PRKCA: variants seen among roughly 807,000 people sequenced by gnomAD.
The protein encoded by PRKCA is protein kinase C alpha, also known as protein kinase C alpha type.
In PRKCA, 27 loss-of-function variants were observed where a neutral mutation model predicts 87.0. The observed-to-expected ratio is 0.31, with a 90% CI of 0.23 to 0.43. The LOEUF (loss-of-function observed/expected upper bound fraction) is 0.43, where lower values mean the gene tolerates loss of function less well. Ranked by LOEUF, PRKCA falls within the 20% of genes least tolerant of loss-of-function variation. The pLI is 1.00. For missense variants in PRKCA, 518 were observed against 852.3 expected (o/e 0.61, Z 4.88); for synonymous variants, 329 against 311.1 (o/e 1.06, Z -0.61).
At chr17:66,744,708 C>T (rs567737998) in intron 13 of PRKCA, among the ~76,000 whole-genome samples, 2 of 152,302 alleles carry the variant, frequency 1.3e-5, no homozygotes, top group South Asian at 4.1e-4. Flanking sequence ...ACCACAAACT[C>T]AGCAGTTTAA....
chr17:66,551,271 C>T (rs1968318720), intron 3 of PRKCA, among the ~76,000 whole-genome samples: 1 of 152,150 alleles, frequency 6.6e-6, no homozygotes, highest in African/African-American at 2.4e-5. Context: ...TGCCATGTTG[C>T]CTTGGCTTCA....
At chr17:66,309,200 C>T (rs1446303143) in intron 2 of PRKCA, among the ~76,000 whole-genome samples, 1 of 152,012 alleles carries the variant, frequency 6.6e-6, no homozygotes, top group Non-Finnish European at 1.5e-5. Context: ...AGCTTTAGAT[C>T]CAAAATATTT....
At chr17:66,688,879 C>T (rs765531846) in intron 7 of PRKCA, 72 bp from the exon 8 acceptor site, 15 of 954,162 alleles carry the variant, frequency 1.6e-5, no homozygotes, top group Non-Finnish European at 2.1e-5. Flanking sequence ...TTCACAAAAC[C>T]GCTCGACTAG....
intron 2 of PRKCA, among the ~76,000 whole-genome samples, chr17:66,490,122 C>G (rs947205569): frequency 2.0e-5 from 3 of 152,082 alleles, no homozygotes; most frequent in African/African-American, 7.2e-5. Flanking sequence ...CAATTATGAA[C>G]ACAAGTAATC....
chr17:66,421,684 C>T (rs1912505238), intron 2 of PRKCA, among the ~76,000 whole-genome samples: 1 of 151,388 alleles, frequency 6.6e-6, no homozygotes, highest in Non-Finnish European at 1.5e-5. Context: ...AGGCACCCGC[C>T]ACCAGGCCTG....
At chr17:66,341,225 C>T (rs1267376262) in intron 2 of PRKCA, among the ~76,000 whole-genome samples, 1 of 152,158 alleles carries the variant, frequency 6.6e-6, no homozygotes, top group African/African-American at 2.4e-5. Flanking sequence ...TGGCAAGCCT[C>T]ACCATTTCTT....
chr17:66,655,580 C>G (rs1296999549), intron 5 of PRKCA, among the ~76,000 whole-genome samples: 1 of 152,198 alleles, frequency 6.6e-6, no homozygotes, highest in African/African-American at 2.4e-5. Context: ...GAGATTTCAC[C>G]TGTGTGTTTA....
chr17:66,333,497 A>G (rs1906475400), intron 2 of PRKCA, among the ~76,000 whole-genome samples: 1 of 152,164 alleles, frequency 6.6e-6, no homozygotes, highest in Non-Finnish European at 1.5e-5. Flanking sequence ...TTGTATGCTC[A>G]CTCAGTTGCC....
chr17:66,543,396 C>T (rs544354754), intron 3 of PRKCA, among the ~76,000 whole-genome samples: 1 of 152,252 alleles, frequency 6.6e-6, no homozygotes, highest in South Asian at 2.1e-4. Flanking sequence ...GATACTAAAA[C>T]ATAAGTTATT....
At position 66,335,579 on chromosome 17, in the gene PRKCA, C is replaced by T. The variant is rs569139176; in HGVS notation, c.205+29452C>T. 2.0e-5 allele frequency among the ~76,000 whole-genome samples: 3 copies of T among 151,240 alleles called. No individual in the cohort carries two copies. In the East Asian group the frequency reaches 5.8e-4, roughly 29 times the overall value. Reference sequence around the variant, plus strand: ...CCTGGGCAACAAGAGTGAAACTCCCCCCACTGCCCAAAAAAAAAAAAGAAC... The same window carrying T: ...CCTGGGCAACAAGAGTGAAACTCCCTCCACTGCCCAAAAAAAAAAAAGAAC... On this transcript the variant is annotated intron_variant, in intron 2 of 16. Transcript: ENST00000413366.
rs997429846 is a variant in PRKCA, at chr17:66,777,899, C to A, written c.1605+3832C>A. 5.1e-6 allele frequency: 5 copies of A among 985,270 alleles called. No homozygotes were observed. In the African/African-American group the frequency reaches 8.7e-5, roughly 17 times the overall value. The allele number at this position is 985,270 out of a possible 1,614,324, so 61.0% of individuals were successfully genotyped here. On this transcript the variant is annotated intron_variant, in intron 14 of 16. Coordinates refer to ENST00000413366, the MANE Select transcript of PRKCA (RefSeq NM_002737.3). ...TCCCTCCCGCAGCCTGGCTTCTCCCCTCTCCAAGCCTTCCTGGGATCTCAT... is the reference window on the plus strand; with the variant it reads ...TCCCTCCCGCAGCCTGGCTTCTCCCATCTCCAAGCCTTCCTGGGATCTCAT...
At chr17:66,350,929 T>C (rs1307192447) in intron 2 of PRKCA, among the ~76,000 whole-genome samples, 1 of 152,238 alleles carries the variant, frequency 6.6e-6, no homozygotes, top group Non-Finnish European at 1.5e-5. Context: ...TCCCTTTCAA[T>C]GTGTGGAACT....
chr17:66,404,034 G>A (rs1024951072), intron 2 of PRKCA: 1 of 152,132 alleles, frequency 6.6e-6, no homozygotes, highest in African/African-American at 2.4e-5. Context: ...AGCTACATAC[G>A]CTTCATCATG....
intron 3 of PRKCA, among the ~76,000 whole-genome samples, chr17:66,593,464 G>A (rs1437517644): frequency 2.0e-5 from 3 of 152,200 alleles, no homozygotes; most frequent in Non-Finnish European, 2.9e-5. Context: ...CAGCCCACTA[G>A]CCCAAGCCCA....
At chr17:66,757,451 C>T (rs1376989110) in intron 13 of PRKCA, among the ~76,000 whole-genome samples, 2 of 151,288 alleles carry the variant, frequency 1.3e-5, no homozygotes, top group African/African-American at 2.4e-5. Context: ...AAAAGCTAGG[C>T]ATATCATATT....
chr17:66,490,508 T>C (rs534809437), intron 2 of PRKCA, among the ~76,000 whole-genome samples: 1 of 152,152 alleles, frequency 6.6e-6, no homozygotes, highest in South Asian at 2.1e-4. Context: ...CATGCCCGGC[T>C]AATTTTTTGT....
chr17:66,552,749 G>A (rs951380786), intron 3 of PRKCA, among the ~76,000 whole-genome samples: 1 of 152,120 alleles, frequency 6.6e-6, no homozygotes, highest in Non-Finnish European at 1.5e-5. Context: ...CATTTGAAGT[G>A]AGCCACTAGG....
chr17:66,670,559 AAAC>A, intron 5 of PRKCA, among the ~76,000 whole-genome samples: 1 of 152,176 alleles, frequency 6.6e-6, no homozygotes, highest in Non-Finnish European at 1.5e-5. Context: ...AGTAGAATTT[AAAC>A]AACATTTTAA....
chr17:66,586,027 A>G (rs1035833589), intron 3 of PRKCA, among the ~76,000 whole-genome samples: 12 of 152,230 alleles, frequency 7.9e-5, no homozygotes, highest in African/African-American at 2.9e-4. Context: ...TTTCTGGATG[A>G]CACAGGTTGT....
Sources: gnomAD v4.1 joint callset for allele counts (sites outside exome capture counted in the v4.1 genomes callset) on GRCh38, gnomAD v4.1.1 for gene constraint, MANE v1.5 for transcripts, NCBI Gene and HGNC (gene_info 2026-07-23, HGNC 2026-07-21) for gene names.